Variants in PCDHGB5 observed in about 807,000 individuals in gnomAD.
The protein encoded by PCDHGB5 is protocadherin gamma subfamily B, 5.
PCDHGB5 carries 48 observed loss-of-function variants against 62.9 expected under a neutral mutation model. The ratio of observed to expected loss-of-function variants is 0.76; its 90% confidence interval spans 0.61 to 0.97. The LOEUF (loss-of-function observed/expected upper bound fraction) is 0.97. PCDHGB5 is among the 50% of genes least tolerant of loss of function. The pLI is 0.00. For missense variants in PCDHGB5, 1,118 were observed against 1,198.6 expected, an observed-to-expected ratio of 0.93 and a Z score of 0.99; for synonymous variants, 474 against 511.2, an observed-to-expected ratio of 0.93 and a Z score of 0.98.
In PCDHGB5 at chr5:141,432,142, C is replaced by T; in HGVS notation, c.2397+31618C>T. 1 of 1,614,098 alleles carries T rather than the reference C, an allele frequency of 6.2e-7. No individual in the cohort carries two copies. Among genetic ancestry groups the T allele is most frequent in the Non-Finnish European group, 8.5e-7 (1 of 1,180,016 alleles). On this transcript the variant is annotated intron_variant, in intron 1 of 3. Transcript: ENST00000617380. This position sits in a 1 kb window ranked among gnomAD's most constrained non-coding sequence, Gnocchi z 6.0. Reference sequence around the variant, plus strand: ...CTCAGGCCTCCTATTCCGCTTATATCCCAGAGAACAATCCCAGAGGAGTTT... The same window carrying T: ...CTCAGGCCTCCTATTCCGCTTATATTCCAGAGAACAATCCCAGAGGAGTTT...
chr5:141,421,537 T>C (rs11167744), intron 1 of PCDHGB5: 139,246 of 1,613,908 alleles, frequency 0.086, 6,702 homozygotes, highest in East Asian at 0.14. Context: ...GTCCTCCTGT[T>C]TTTTAAATAT....
At chr5:141,456,899 G>T (rs1592472053) in intron 1 of PCDHGB5, among the ~76,000 whole-genome samples, 1 of 152,212 alleles carries the variant, frequency 6.6e-6, no homozygotes, top group East Asian at 1.9e-4. Context: ...GGAGGCAGAG[G>T]TTGCAGTGAG....
intron 3 of PCDHGB5, 78 bp from the exon 4 acceptor site, chr5:141,510,869 T>C: frequency 9.3e-6 from 15 of 1,608,708 alleles, no homozygotes; most frequent in Non-Finnish European, 1.3e-5. Flanking sequence ...AGGCATTCAT[T>C]AACTGCTGGG....
chr5:141,428,200 G>A (rs1000165985), intron 1 of PCDHGB5: 3 of 1,363,858 alleles, frequency 2.2e-6, no homozygotes, highest in East Asian at 2.3e-5. Flanking sequence ...TCTCTGCGCC[G>A]CTACGCTTCA....
intron 2 of PCDHGB5, among the ~76,000 whole-genome samples, chr5:141,503,518 G>A (rs576791899): frequency 6.7e-6 from 1 of 149,524 alleles, no homozygotes; most frequent in East Asian, 2.0e-4. Flanking sequence ...AGAATCACTT[G>A]AACCTGGGAG....
chr5:141,491,783 A>C lies in PCDHGB5; in HGVS notation c.2398-3024A>C. 1 of 1,539,736 alleles carries C rather than the reference A, an allele frequency of 6.5e-7. No individual in the cohort carries two copies. The highest frequency in any genetic ancestry group is 1.2e-5 in the South Asian group (1 of 82,444). On this transcript the variant is annotated intron_variant, in intron 1 of 3. Coordinates refer to ENST00000617380, the MANE Select transcript of PCDHGB5 (RefSeq NM_018925.3). The surrounding 1 kb of genome is among the most constrained non-coding windows in gnomAD (Gnocchi z 6.9). ...CGTCCTCATAAGGGATTGAACTTGC[A>C]TCCACTCCTCTCCGGCCGGCTTGGT...
chr5:141,423,782 C>A (rs1458189260), intron 1 of PCDHGB5: 2 of 1,243,328 alleles, frequency 1.6e-6, no homozygotes, highest in Non-Finnish European at 1.0e-6. Context: ...ATATTTAGTT[C>A]ATATATATTT....
At chr5:141,447,636 T>C (rs772671166) in intron 1 of PCDHGB5, among the ~76,000 whole-genome samples, 49 of 152,136 alleles carry the variant, frequency 3.2e-4, no homozygotes, top group Non-Finnish European at 5.3e-4. Context: ...ACAGTATGAA[T>C]GATGGTAGAA....
chr5:141,446,920 C>T (rs2098520337), intron 1 of PCDHGB5, among the ~76,000 whole-genome samples: 1 of 152,108 alleles, frequency 6.6e-6, no homozygotes, highest in African/African-American at 2.4e-5. Flanking sequence ...TATTTATCTT[C>T]CTGATCTCTT....
At chr5:141,436,950 C>A (rs894702404) in intron 1 of PCDHGB5, among the ~76,000 whole-genome samples, 3 of 152,138 alleles carry the variant, frequency 2.0e-5, no homozygotes, top group African/African-American at 7.2e-5. Flanking sequence ...ATAGTGAAAT[C>A]TAAACAAGGA....
intron 1 of PCDHGB5, chr5:141,412,235 A>T (rs2095544372): frequency 6.6e-6 from 1 of 152,260 alleles, no homozygotes. Flanking sequence ...AAAAACCTAT[A>T]TCACTACATC....
Position 141,477,584 on chromosome 5 carries a change from G to A in PCDHGB5, c.2398-17223G>A. 5 of 1,614,148 alleles carry A rather than the reference G, an allele frequency of 3.1e-6. No homozygotes were observed. Among genetic ancestry groups the A allele is most frequent in the Non-Finnish European group, 4.2e-6 (5 of 1,180,032 alleles). On this transcript the variant is annotated intron_variant, in intron 1 of 3. Coordinates refer to ENST00000617380, the MANE Select transcript of PCDHGB5 (RefSeq NM_018925.3). This position sits in a 1 kb window ranked among gnomAD's most constrained non-coding sequence, Gnocchi z 4.9. ...CTGGGACCCCGACGCCCCGCAGAAT[G>A]CTCGGCTTTCTTTCTTTCTCTTGGA...
intron 1 of PCDHGB5, among the ~76,000 whole-genome samples, chr5:141,439,050 A>G (rs1353548752): frequency 1.3e-5 from 2 of 151,164 alleles, no homozygotes; most frequent in Non-Finnish European, 2.9e-5. Flanking sequence ...TAAGATTTCC[A>G]TATTGTGTGG....
chr5:141,443,436 T>A (rs1435598893), intron 1 of PCDHGB5, among the ~76,000 whole-genome samples: 1 of 152,132 alleles, frequency 6.6e-6, no homozygotes, highest in Admixed American at 6.6e-5. Context: ...CAGTGAGCTG[T>A]GGTTGCGCTC....
In PCDHGB5 at chr5:141,485,132, T is replaced by C. The variant is rs1020670896; in HGVS notation, c.2398-9675T>C. On this transcript the variant is annotated intron_variant, in intron 1 of 3. Transcript: ENST00000617380. This position sits in a 1 kb window ranked among gnomAD's most constrained non-coding sequence, Gnocchi z 5.7. ...GGCTGTTTGGGGCGGGTCGGCTTCATCCGCGTCTCAGGAGCAAGTAGAGAA... is the reference window on the plus strand; with the variant it reads ...GGCTGTTTGGGGCGGGTCGGCTTCACCCGCGTCTCAGGAGCAAGTAGAGAA... 8.1e-6 allele frequency: 12 copies of C among 1,489,136 alleles called. No individual in the cohort carries two copies. Among genetic ancestry groups the C allele is most frequent in the East Asian group, 2.3e-5 (1 of 44,214 alleles). The allele number at this position is 1,489,136 out of a possible 1,614,324, so 92.2% of individuals were successfully genotyped here.
chr5:141,403,088 G>C (rs1561685667), intron 1 of PCDHGB5: 2 of 1,614,030 alleles, frequency 1.2e-6, no homozygotes, highest in Non-Finnish European at 1.7e-6. Context: ...CTATATTGTG[G>C]GCAACATCTC....
chr5:141,447,064 C>T (rs1453083716), intron 1 of PCDHGB5, among the ~76,000 whole-genome samples: 1 of 152,064 alleles, frequency 6.6e-6, no homozygotes, highest in Non-Finnish European at 1.5e-5. Context: ...ATGTGTCAGG[C>T]TGTTTTAATT....
intron 3 of PCDHGB5, 120 bp downstream of exon 3, chr5:141,505,601 C>T (rs1171679451): frequency 6.4e-7 from 1 of 1,550,630 alleles, no homozygotes; most frequent in Non-Finnish European, 8.7e-7. Flanking sequence ...GATCTTTCGG[C>T]AGGTCTGAAA....
At chr5:141,456,259 C>T (rs1456888951) in intron 1 of PCDHGB5, among the ~76,000 whole-genome samples, 1 of 152,122 alleles carries the variant, frequency 6.6e-6, no homozygotes, top group Non-Finnish European at 1.5e-5. Flanking sequence ...GCGACCATTG[C>T]TTCTGGCTAC....
Sources: allele counts gnomAD v4.1 joint callset (sites outside exome capture counted in the v4.1 genomes callset), GRCh38; gene constraint gnomAD v4.1.1; non-coding constraint Gnocchi (gnomAD v3.1); transcripts MANE v1.5; gene names NCBI Gene and HGNC (gene_info 2026-07-23, HGNC 2026-07-21).